MTA3: variants seen among roughly 807,000 people sequenced by gnomAD.
MTA3 encodes metastasis associated 1 family member 3.
A neutral mutation model predicts 83.5 loss-of-function variants in MTA3; 34 were observed. That is an observed-to-expected ratio of 0.41 (90% CI 0.31 to 0.54). The LOEUF (loss-of-function observed/expected upper bound fraction) is 0.54. MTA3 is among the 20% of genes least tolerant of loss of function. The pLI is 0.33. For synonymous variants in MTA3, 303 were observed against 252.7 expected, an observed-to-expected ratio of 1.20 and a Z score of -1.89; for missense variants, 761 against 726.4, an observed-to-expected ratio of 1.05 and a Z score of -0.55.
chr2:42,587,467 C>T (rs1257726298), intron 3 of MTA3, among the ~76,000 whole-genome samples: 1 of 152,078 alleles, frequency 6.6e-6, no homozygotes, highest in Non-Finnish European at 1.5e-5. Context: ...AGTGAGAATT[C>T]TTGTGTATGA....
chr2:42,559,680 A>T (rs1225113863), intron 2 of MTA3, among the ~76,000 whole-genome samples: 1 of 151,448 alleles, frequency 6.6e-6, no homozygotes, highest in Admixed American at 6.6e-5. Context: ...GGAGTTCGAG[A>T]CCAGCCTGAC....
chr2:42,600,064 G>A (rs746092581), intron 3 of MTA3, among the ~76,000 whole-genome samples: 4 of 151,976 alleles, frequency 2.6e-5, no homozygotes, highest in East Asian at 1.9e-4. Context: ...TGGGTGTGGC[G>A]GCACATTCCT....
chr2:42,661,506 CAAAAAAA>C (rs1296698587), intron 8 of MTA3, among the ~76,000 whole-genome samples: 1 of 27,214 alleles, frequency 3.7e-5, no homozygotes, highest in Non-Finnish European at 6.1e-5. Context: ...GACCCTGTCT[CAAAAAAA>C]AAAAAAAAAA....
chr2:42,739,005 T>A (rs1423716686), intron 16 of MTA3, among the ~76,000 whole-genome samples: 2 of 152,216 alleles, frequency 1.3e-5, no homozygotes, highest in Non-Finnish European at 2.9e-5. Flanking sequence ...TTCGCCTGGG[T>A]CCTGTGGTCC....
intron 2 of MTA3, among the ~76,000 whole-genome samples, chr2:42,529,608 G>C (rs1675866220): frequency 6.6e-6 from 1 of 152,212 alleles, no homozygotes; most frequent in South Asian, 2.1e-4. Context: ...CCTCCCACGT[G>C]TTTTCTGTTT....
rs757955252 is a variant in MTA3, at chr2:42,659,760, C to T, written c.603-3C>T. ...TTCCTTATTGTGTTTGTGGTTTATT[C>T]AGTGCTGTTGGGACATTCGCCAGAG... On this transcript the variant is annotated splice_region_variant and splice_polypyrimidine_tract_variant and intron_variant, in intron 7 of 16. Coordinates refer to ENST00000405094, the MANE Select transcript of MTA3 (RefSeq NM_001330442.2). 7.0e-6 allele frequency: 11 copies of T among 1,570,676 alleles called. No individual in the cohort carries two copies. Among genetic ancestry groups the T allele is most frequent in the Middle Eastern group, 1.7e-4 (1 of 5,922 alleles).
intron 3 of MTA3, among the ~76,000 whole-genome samples, chr2:42,597,017 C>G (rs553720465): frequency 7.3e-5 from 11 of 151,482 alleles, no homozygotes; most frequent in East Asian, 2.0e-4. Flanking sequence ...CAATTCTCCT[C>G]CCTCAGCCTC....
chr2:42,654,997 C>T (rs183084592), intron 6 of MTA3, among the ~76,000 whole-genome samples: 75 of 152,346 alleles, frequency 4.9e-4, no homozygotes, highest in Admixed American at 1.0e-3. Context: ...CTGTCACTGA[C>T]ATTCCCAAAT....
chr2:42,508,198 A>G (rs1674724940), intron 2 of MTA3, among the ~76,000 whole-genome samples: 1 of 152,056 alleles, frequency 6.6e-6, no homozygotes, highest in Non-Finnish European at 1.5e-5. Context: ...TCAGAGAGAA[A>G]TCTTTCCCCA....
intron 2 of MTA3, among the ~76,000 whole-genome samples, chr2:42,506,896 C>T (rs1277031864): frequency 2.0e-5 from 3 of 151,378 alleles, no homozygotes; most frequent in East Asian, 1.9e-4. Flanking sequence ...TGTGAGCCAC[C>T]GCGCCTGGCC....
chr2:42,559,998 T>C (rs917352456), intron 2 of MTA3, among the ~76,000 whole-genome samples: 3 of 152,188 alleles, frequency 2.0e-5, no homozygotes, highest in Non-Finnish European at 2.9e-5. Flanking sequence ...CTATCAAGTC[T>C]TCTTGTTTCT....
At chr2:42,605,865 A>G (rs1573216376) in intron 3 of MTA3, among the ~76,000 whole-genome samples, 1 of 124,618 alleles carries the variant, frequency 8.0e-6, no homozygotes, top group Non-Finnish European at 1.7e-5. Flanking sequence ...TCCCTCCTGG[A>G]CGGGGCGGTT....
At position 42,709,944 on chromosome 2, in the gene MTA3, C is replaced by T. The variant is rs563849998; in HGVS notation, c.1525+848C>T. Among the ~76,000 whole-genome samples, 6 of 152,226 alleles carry T rather than the reference C, an allele frequency of 3.9e-5. No individual in the cohort carries two copies. In the East Asian group the frequency reaches 1.2e-3, roughly 29 times the overall value. ...GAATTGTGGATCGTTTTGTCATTAC[C>T]ATGTCTCTGACAATATGTGTATAAT... is the stretch of plus-strand genomic sequence containing the variant. On this transcript the variant is annotated intron_variant, in intron 14 of 16. Transcript: ENST00000405094.
intron 8 of MTA3, among the ~76,000 whole-genome samples, chr2:42,682,199 C>G (rs1411971066): frequency 6.6e-6 from 1 of 151,948 alleles, no homozygotes. Flanking sequence ...CCCCTCCCCC[C>G]AAATAAGGGT....
At chr2:42,656,964 A>G (rs1250408924) in intron 7 of MTA3, among the ~76,000 whole-genome samples, 1 of 152,244 alleles carries the variant, frequency 6.6e-6, no homozygotes, top group Non-Finnish European at 1.5e-5. Context: ...TTGAGGGTAT[A>G]TACCATGTGA....
chr2:42,551,165 C>T (rs1337512502), intron 2 of MTA3, among the ~76,000 whole-genome samples: 2 of 151,962 alleles, frequency 1.3e-5, no homozygotes, highest in Non-Finnish European at 2.9e-5. Context: ...TTCATTTGAT[C>T]AGTGAATATT....
chr2:42,652,872 G>T (rs563225753), intron 6 of MTA3, among the ~76,000 whole-genome samples: 3 of 152,138 alleles, frequency 2.0e-5, no homozygotes, highest in African/African-American at 4.8e-5. Flanking sequence ...AGACATCCTT[G>T]TGTGTTCCTG....
chr2:42,495,519 A>G (rs1674092259), intron 2 of MTA3, among the ~76,000 whole-genome samples: 1 of 152,206 alleles, frequency 6.6e-6, no homozygotes, highest in Non-Finnish European at 1.5e-5. Context: ...CAAGAAAAAT[A>G]TCTGTAAGAA....
intron 16 of MTA3, among the ~76,000 whole-genome samples, chr2:42,738,762 A>G (rs145487913): frequency 6.6e-6 from 1 of 152,224 alleles, no homozygotes; most frequent in African/African-American, 2.4e-5. Flanking sequence ...GAGAAAGAGA[A>G]TGCGCACGTA....
Sources: gnomAD v4.1 joint callset for allele counts (sites outside exome capture counted in the v4.1 genomes callset) on GRCh38, gnomAD v4.1.1 for gene constraint, MANE v1.5 for transcripts, NCBI Gene and HGNC (gene_info 2026-07-23, HGNC 2026-07-21) for gene names.